Variants in GALNT17 observed in about 807,000 individuals in gnomAD.
The protein encoded by GALNT17 is polypeptide N-acetylgalactosaminyltransferase 17.
Under a neutral mutation model 63.7 loss-of-function variants are expected in GALNT17, and 29 were observed. The observed-to-expected ratio is 0.46, with a 90% confidence interval of 0.34 to 0.62. The LOEUF (loss-of-function observed/expected upper bound fraction) is 0.62, where lower values mean the gene tolerates loss of function less well. Ranked by LOEUF, GALNT17 falls within the 20% of genes least tolerant of loss-of-function variation. The pLI, the probability that GALNT17 is intolerant of heterozygous loss-of-function variation, is 0.01. For synonymous variants in GALNT17, 305 were observed against 318.3 expected, an observed-to-expected ratio of 0.96 and a Z score of 0.45; for missense variants, 603 against 799.6, an observed-to-expected ratio of 0.75 and a Z score of 2.97.
chr7:71,393,951 G>T (rs1055220055), intron 3 of GALNT17, among the ~76,000 whole-genome samples: 1 of 151,822 alleles, frequency 6.6e-6, no homozygotes, highest in Non-Finnish European at 1.5e-5. Flanking sequence ...GGGGTGTATC[G>T]CTCCTCCTGG....
At chr7:71,388,484 C>T in intron 3 of GALNT17, 83 bp downstream of exon 3, 1 of 1,498,610 alleles carries the variant, frequency 6.7e-7, no homozygotes. Flanking sequence ...GCCCGAGCAT[C>T]TGTGTCTCCT....
At chr7:71,178,896 A>G (rs1636480) in intron 1 of GALNT17, among the ~76,000 whole-genome samples, 40,024 of 151,934 alleles carry the variant, frequency 0.26, 9,793 homozygotes, top group African/African-American at 0.66. Flanking sequence ...CCTTGAGTTC[A>G]GATTATATTT....
At chr7:71,518,781 C>T (rs60617591) in intron 5 of GALNT17, among the ~76,000 whole-genome samples, 19,483 of 152,098 alleles carry the variant, frequency 0.13, 1,580 homozygotes, top group East Asian at 0.26. Flanking sequence ...GGAAGGGAGT[C>T]GGAAGATTCT....
intron 5 of GALNT17, among the ~76,000 whole-genome samples, chr7:71,549,664 T>G (rs1017385950): frequency 6.6e-6 from 1 of 152,134 alleles, no homozygotes; most frequent in African/African-American, 2.4e-5. Flanking sequence ...GAGTAATTGT[T>G]TTTTTCTCCT....
intron 1 of GALNT17, among the ~76,000 whole-genome samples, chr7:71,172,422 TG>T (rs1181456090): frequency 6.7e-6 from 1 of 149,120 alleles, no homozygotes; most frequent in African/African-American, 2.5e-5. Flanking sequence ...TCACCACCAC[TG>T]TATTGCAGCC....
At chr7:71,545,564 C>T (rs1788969015) in intron 5 of GALNT17, among the ~76,000 whole-genome samples, 1 of 152,120 alleles carries the variant, frequency 6.6e-6, no homozygotes, top group Non-Finnish European at 1.5e-5. Flanking sequence ...ATTGGCTAGG[C>T]TAGTCTCAAA....
rs144788494 is a variant in GALNT17, at chr7:71,663,145, A to C, written c.1081-2266A>C. On this transcript the variant is annotated intron_variant, in intron 6 of 10. Transcript: ENST00000333538. Reference sequence around the variant, plus strand: ...TGAAATTGGGGAGTGAAGTCCTCCCAGTTTGCTCAAGGTTGTTTTAGCTAC... The same window carrying C: ...TGAAATTGGGGAGTGAAGTCCTCCCCGTTTGCTCAAGGTTGTTTTAGCTAC... Among the ~76,000 whole-genome samples, 40 of 152,260 alleles carry C rather than the reference A, an allele frequency of 2.6e-4. No homozygotes were observed. The East Asian group carries it at 7.5e-3, about 29-fold the overall frequency.
At chr7:71,358,629 T>C (rs953677032) in intron 2 of GALNT17, among the ~76,000 whole-genome samples, 18 of 152,206 alleles carry the variant, frequency 1.2e-4, no homozygotes, top group Non-Finnish European at 2.6e-4. Context: ...CACTGGTAGT[T>C]TGTGGTTTTC....
At chr7:71,165,348 A>G (rs1788419384) in intron 1 of GALNT17, among the ~76,000 whole-genome samples, 1 of 152,208 alleles carries the variant, frequency 6.6e-6, no homozygotes, top group Non-Finnish European at 1.5e-5. Flanking sequence ...ATAAAGTCAT[A>G]CCTGGGACTG....
At chr7:71,320,260 A>G (rs1012062650) in intron 1 of GALNT17, among the ~76,000 whole-genome samples, 6 of 152,068 alleles carry the variant, frequency 3.9e-5, no homozygotes, top group Non-Finnish European at 8.8e-5. Flanking sequence ...AAATTGAGAT[A>G]GTGTCTTGCT....
chr7:71,478,697 T>G (rs2116635054), intron 5 of GALNT17, among the ~76,000 whole-genome samples: 1 of 152,246 alleles, frequency 6.6e-6, no homozygotes, highest in East Asian at 1.9e-4. Context: ...GGAGCCAGGC[T>G]TCTCCAGTCA....
At chr7:71,620,639 G>A (rs923468385) in intron 6 of GALNT17, among the ~76,000 whole-genome samples, 18 of 152,200 alleles carry the variant, frequency 1.2e-4, no homozygotes, top group Non-Finnish European at 1.3e-4. Flanking sequence ...TAGTTTTGGG[G>A]TTGATGTGAT....
At chr7:71,549,011 T>A (rs557291954) in intron 5 of GALNT17, among the ~76,000 whole-genome samples, 2 of 151,834 alleles carry the variant, frequency 1.3e-5, no homozygotes, top group Admixed American at 1.3e-4. Flanking sequence ...CCTCTGGGGG[T>A]TATGGATAGG....
At chr7:71,351,166 A>G (rs1017674621) in intron 2 of GALNT17, among the ~76,000 whole-genome samples, 2 of 151,828 alleles carry the variant, frequency 1.3e-5, no homozygotes, top group Non-Finnish European at 2.9e-5. Flanking sequence ...ACAAACAAAG[A>G]ACATAAGTAA....
chr7:71,229,544 A>G (rs895087184), intron 1 of GALNT17, among the ~76,000 whole-genome samples: 3 of 152,236 alleles, frequency 2.0e-5, no homozygotes, highest in African/African-American at 7.2e-5. Context: ...GTAAGGCCAA[A>G]GCAAGGAAAT....
At chr7:71,443,681 G>A (rs1260957462) in intron 5 of GALNT17, among the ~76,000 whole-genome samples, 1 of 151,634 alleles carries the variant, frequency 6.6e-6, no homozygotes, top group Non-Finnish European at 1.5e-5. Context: ...AAAACCATGA[G>A]CCAGATAAAC....
chr7:71,560,230 A>C (rs1789234046), intron 5 of GALNT17, among the ~76,000 whole-genome samples: 1 of 149,464 alleles, frequency 6.7e-6, no homozygotes, highest in Admixed American at 6.7e-5. Flanking sequence ...AGAATCACAA[A>C]TTGTCCTAAG....
chr7:71,636,538 A>G (rs1036900142), intron 6 of GALNT17, among the ~76,000 whole-genome samples: 3 of 152,226 alleles, frequency 2.0e-5, no homozygotes, highest in Non-Finnish European at 4.4e-5. Context: ...CGTTTGCTCC[A>G]GTAAATAGCA....
chr7:71,299,352 C>A (rs1335379337), intron 1 of GALNT17, among the ~76,000 whole-genome samples: 1 of 152,188 alleles, frequency 6.6e-6, no homozygotes, highest in Non-Finnish European at 1.5e-5. Context: ...ATGAAGTCAC[C>A]TGCAATGTGC....
Sources: gnomAD v4.1 joint callset for allele counts (sites outside exome capture counted in the v4.1 genomes callset) on GRCh38, gnomAD v4.1.1 for gene constraint, MANE v1.5 for transcripts, NCBI Gene and HGNC (gene_info 2026-07-23, HGNC 2026-07-21) for gene names.